Variants in PCDHGA4 observed in about 807,000 individuals in gnomAD.
PCDHGA4 encodes protocadherin gamma-A4.
Under a neutral mutation model 54.6 loss-of-function variants are expected in PCDHGA4, and 38 were observed. The ratio of observed to expected loss-of-function variants is 0.70; its 90% CI spans 0.54 to 0.91. The LOEUF (loss-of-function observed/expected upper bound fraction) is 0.91, where lower values mean the gene tolerates loss of function less well. Among genes scored for constraint, PCDHGA4 ranks in the 40% least tolerant of loss-of-function variants. The pLI is 0.00. For missense variants in PCDHGA4, 1,298 were observed against 1,220.9 expected (o/e 1.06, Z -0.94); for synonymous variants, 511 against 512.9 (o/e 1.00, Z 0.05).
At chr5:141,499,548 A>G (rs1312910986) in intron 2 of PCDHGA4, among the ~76,000 whole-genome samples, 3 of 152,226 alleles carry the variant, frequency 2.0e-5, no homozygotes, top group African/African-American at 7.2e-5. Flanking sequence ...ATGAACCTGT[A>G]TGATACCACT....
In PCDHGA4 at chr5:141,511,035, C is replaced by T. The variant is rs373005862; in HGVS notation, c.2751C>T (p.His917=). Residue 917 remains histidine (H), a synonymous_variant, in exon 4 of 4, where the codon CAC becomes CAT. Transcript: ENST00000571252. ...ACGGACCCCAGTTCACCCTGCAGCA[C>T]GTGCCCGACTACCGCCAGAATGTCT... ...ARYGPQFTLQ[H]VPDYRQNVYI... The T allele has an allele frequency of 1.7e-5, 27 of 1,614,208 alleles. No individual in the cohort carries two copies. The African/African-American group carries it at 2.9e-4, about 18-fold the overall frequency.
intron 1 of PCDHGA4, among the ~76,000 whole-genome samples, chr5:141,465,486 G>C (rs1221398075): frequency 6.6e-6 from 1 of 152,216 alleles, no homozygotes; most frequent in African/African-American, 2.4e-5. Flanking sequence ...TGAGAGGAAT[G>C]AGCGGGAGCA....
At chr5:141,423,499 G>T (rs1590485367) in intron 1 of PCDHGA4, 1 of 1,613,966 alleles carries the variant, frequency 6.2e-7, no homozygotes, top group Non-Finnish European at 8.5e-7. Context: ...TTCCCACGAG[G>T]TCTCTCTCAT....
intron 1 of PCDHGA4, chr5:141,403,323 C>G: frequency 6.2e-7 from 1 of 1,613,958 alleles, no homozygotes; most frequent in Non-Finnish European, 8.5e-7. Flanking sequence ...ATAGAAGTAA[C>G]TGATATTAAC....
intron 1 of PCDHGA4, chr5:141,377,726 A>T (rs1774299499): frequency 6.6e-6 from 1 of 152,240 alleles, no homozygotes; most frequent in Non-Finnish European, 1.5e-5. Context: ...TTGAAAAGAT[A>T]AGAATCATTG....
chr5:141,443,251 C>T (rs200319609), intron 1 of PCDHGA4, among the ~76,000 whole-genome samples: 7 of 150,782 alleles, frequency 4.6e-5, no homozygotes, highest in East Asian at 3.9e-4. Flanking sequence ...GGCGCCAAGG[C>T]GGGTGGATCA....
Position 141,431,215 on chromosome 5 carries a change from C to T in PCDHGA4, c.2515-63592C>T, listed in dbSNP as rs1225114172. On this transcript the variant is annotated intron_variant, in intron 1 of 3. Transcript: ENST00000571252. The surrounding 1 kb of genome is among the most constrained non-coding windows in gnomAD (Gnocchi z 4.8). ...AAAATGCAGCCACTGAGATGCGGTT[C>T]CCTCTACCCCACGCCTGGGATCCGG... is the stretch of plus-strand genomic sequence containing the variant. 2.5e-6 allele frequency: 4 copies of T among 1,614,066 alleles called. No homozygotes were observed. The highest frequency in any genetic ancestry group is 1.3e-5 in the African/African-American group (1 of 74,942).
chr5:141,497,497 C>T (rs1318882060), intron 2 of PCDHGA4, among the ~76,000 whole-genome samples: 1 of 151,714 alleles, frequency 6.6e-6, no homozygotes, highest in Non-Finnish European at 1.5e-5. Context: ...TCTCTCTCTC[C>T]TCTCTCTGCT....
intron 1 of PCDHGA4, chr5:141,390,025 G>GA (rs2092024046): frequency 1.2e-6 from 2 of 1,613,882 alleles, no homozygotes; most frequent in Non-Finnish European, 1.7e-6. Context: ...TTGCGCCTGC[G>GA]ACGCTCCTCC....
chr5:141,410,837 TTTTGTC>T, intron 1 of PCDHGA4: 3 of 501,732 alleles, frequency 6.0e-6, no homozygotes. Context: ...ACTGAAGATA[TTTTGTC>T]TTTGTCTTTT....
chr5:141,382,954 C>T, intron 1 of PCDHGA4: 1 of 1,604,450 alleles, frequency 6.2e-7, no homozygotes, highest in East Asian at 2.2e-5. Flanking sequence ...GCTCTCCATC[C>T]TCCTGGGGAC....
intron 1 of PCDHGA4, chr5:141,371,082 G>A (rs1767471058): frequency 1.9e-6 from 3 of 1,613,856 alleles, no homozygotes; most frequent in Non-Finnish European, 1.7e-6. Flanking sequence ...CCAGATCAGG[G>A]TAATTGTCGC....
intron 1 of PCDHGA4, among the ~76,000 whole-genome samples, chr5:141,401,296 C>G (rs2094138441): frequency 6.6e-6 from 1 of 152,104 alleles, no homozygotes; most frequent in African/African-American, 2.4e-5. Flanking sequence ...GAGCCGAGAT[C>G]ACTCCATTGC....
At chr5:141,463,176 C>T (rs989201395) in intron 1 of PCDHGA4, among the ~76,000 whole-genome samples, 2 of 152,100 alleles carry the variant, frequency 1.3e-5, no homozygotes, top group African/African-American at 4.8e-5. Context: ...TATGTATGCT[C>T]AGATTATTAT....
At position 141,419,770 on chromosome 5, in the gene PCDHGA4, G is replaced by A. The variant is rs1018272442; in HGVS notation, c.2514+62149G>A. On this transcript the variant is annotated intron_variant, in intron 1 of 3. Coordinates refer to ENST00000571252, the MANE Select transcript of PCDHGA4 (RefSeq NM_018917.4). ...TGCGTGCTTTGGGTGACAAGGACTC[G>A]GTCCGCCAGCGCCTGCTAGTCGCTG... 3.7e-6 allele frequency: 6 copies of A among 1,614,006 alleles called. No individual in the cohort carries two copies. The Admixed American group carries it at 6.7e-5, about 18-fold the overall frequency.
At chr5:141,388,965 G>T (rs1164641835) in intron 1 of PCDHGA4, 1 of 1,613,978 alleles carries the variant, frequency 6.2e-7, no homozygotes, top group Admixed American at 1.7e-5. Context: ...CGCCGAGCTG[G>T]GAACACATAT....
At position 141,363,638 on chromosome 5, in the gene PCDHGA4, C is replaced by A. The variant is rs116516403; in HGVS notation, c.2514+6017C>A. ...TGGAGAGACTTTCTCAAAGTCCTCA[C>A]AAGTAACAAAGATCTTTATTTCTTC... On this transcript the variant is annotated intron_variant, in intron 1 of 3. Coordinates refer to ENST00000571252, the MANE Select transcript of PCDHGA4 (RefSeq NM_018917.4). 6.6e-4 allele frequency among the ~76,000 whole-genome samples: 101 copies of A among 152,308 alleles called. 1 individual carries two copies. The highest frequency in any genetic ancestry group is 2.4e-3 in the African/African-American group (100 of 41,570).
chr5:141,487,709 A>G lies in PCDHGA4; in HGVS notation c.2515-7098A>G. On this transcript the variant is annotated intron_variant, in intron 1 of 3. Coordinates refer to ENST00000571252, the MANE Select transcript of PCDHGA4 (RefSeq NM_018917.4). This position sits in a 1 kb window ranked among gnomAD's most constrained non-coding sequence, Gnocchi z 5.0. ...CCTAGAGAGTACTGGCCTCTCAGTA[A>G]GTGCCCATAGTGATGTCACCATTTT... is the stretch of plus-strand genomic sequence containing the variant. 6.3e-7 allele frequency: 1 copy of G among 1,586,184 alleles called. No individual in the cohort carries two copies. Among genetic ancestry groups the G allele is most frequent in the South Asian group, 1.1e-5 (1 of 87,958 alleles).
At position 141,432,579 on chromosome 5, in the gene PCDHGA4, G is replaced by T; in HGVS notation, c.2515-62228G>T. On this transcript the variant is annotated intron_variant, in intron 1 of 3. Coordinates refer to ENST00000571252, the MANE Select transcript of PCDHGA4 (RefSeq NM_018917.4). This position sits in a 1 kb window ranked among gnomAD's most constrained non-coding sequence, Gnocchi z 6.0. ...GGCCAGAACGCCTGGCTGTCCTACC[G>T]TCTGCTCAAGGCCAGCGAGCCGGGA... is the stretch of plus-strand genomic sequence containing the variant. 1 of 1,613,860 alleles carries T rather than the reference G, an allele frequency of 6.2e-7. No homozygotes were observed. Among genetic ancestry groups the T allele is most frequent in the Non-Finnish European group, 8.5e-7 (1 of 1,179,984 alleles).
Sources: gnomAD v4.1 joint callset for allele counts (sites outside exome capture counted in the v4.1 genomes callset) on GRCh38, gnomAD v4.1.1 for gene constraint, Gnocchi (gnomAD v3.1) non-coding constraint, MANE v1.5 for transcripts, NCBI Gene and HGNC (gene_info 2026-07-23, HGNC 2026-07-21) for gene names.